LUZP2: variants seen among roughly 807,000 people sequenced by gnomAD.
LUZP2 encodes leucine zipper protein 2.
LUZP2 carries 52 observed loss-of-function variants against 51.6 expected under a neutral mutation model. That is an observed-to-expected ratio of 1.01 (90% CI 0.81 to 1.27). LUZP2 has a LOEUF of 1.27. LUZP2 is among the 50% of genes most tolerant of loss of function. The pLI, the probability that LUZP2 is intolerant of heterozygous loss-of-function variation, is 0.00. For missense variants in LUZP2, 436 were observed against 395.4 expected (o/e 1.10, Z -0.87); for synonymous variants, 154 against 137.3 (o/e 1.12, Z -0.85).
At chr11:24,837,030 A>G (rs1347466159) in intron 5 of LUZP2, among the ~76,000 whole-genome samples, 1 of 146,358 alleles carries the variant, frequency 6.8e-6, no homozygotes, top group African/African-American at 2.5e-5. Flanking sequence ...AACACAAGCT[A>G]TTGACAACCT....
chr11:24,741,919 CATTTATATATTATATATAAA>C (rs1859167814), intron 4 of LUZP2, among the ~76,000 whole-genome samples: 1 of 16,710 alleles, frequency 6.0e-5, no homozygotes, highest in Non-Finnish European at 1.9e-4. Context: ...ATAATATATA[CATTTATATATTATATATAAA>C]TATATACATT....
At chr11:24,821,645 G>A (rs1036626317) in intron 5 of LUZP2, among the ~76,000 whole-genome samples, 6 of 151,980 alleles carry the variant, frequency 3.9e-5, no homozygotes, top group Non-Finnish European at 8.8e-5. Flanking sequence ...TCAGTTACTG[G>A]CCTCCTTGGG....
chr11:24,882,779 GAAGGAAGA>G (rs1471041427), intron 5 of LUZP2, among the ~76,000 whole-genome samples: 2 of 37,692 alleles, frequency 5.3e-5, no homozygotes, highest in Admixed American at 2.7e-4. Flanking sequence ...TGCAACGGGA[GAAGGAAGA>G]AAGGAAGAAA....
chr11:24,940,582 T>C (rs191202522), intron 7 of LUZP2, among the ~76,000 whole-genome samples: 13 of 152,334 alleles, frequency 8.5e-5, no homozygotes, highest in African/African-American at 3.1e-4. Flanking sequence ...GCTTCTATGT[T>C]ATACAGTCAT....
chr11:24,571,166 A>G (rs958689670), intron 1 of LUZP2, among the ~76,000 whole-genome samples: 4 of 152,140 alleles, frequency 2.6e-5, no homozygotes, highest in Non-Finnish European at 5.9e-5. Flanking sequence ...GAACAAATCC[A>G]GAAAGGCAGT....
At position 24,512,241 on chromosome 11, in the gene LUZP2, G is replaced by A. The variant is rs77350338; in HGVS notation, c.62+14936G>A. 7.9e-3 allele frequency among the ~76,000 whole-genome samples: 1,201 copies of A among 152,122 alleles called. 10 individuals carry two copies. Among genetic ancestry groups the A allele is most frequent in the African/African-American group, 0.027 (1,129 of 41,536 alleles). On this transcript the variant is annotated intron_variant, in intron 1 of 11. Transcript: ENST00000336930. The stretch of plus-strand genomic sequence containing the variant: ...TCACAGGCTGAAAAAACAAATAGCG[G>A]TGGTGGTAGAATATTGGTAGTATAA...
At chr11:24,977,802 T>G (rs1855919936) in intron 8 of LUZP2, among the ~76,000 whole-genome samples, 1 of 151,612 alleles carries the variant, frequency 6.6e-6, no homozygotes, top group Admixed American at 6.6e-5. Context: ...TGTATTTTAT[T>G]ATCAAAATTT....
intron 1 of LUZP2, among the ~76,000 whole-genome samples, chr11:24,659,233 A>C (rs1855926723): frequency 1.3e-5 from 2 of 152,246 alleles, no homozygotes; most frequent in Non-Finnish European, 1.5e-5. Context: ...ATGGAATACT[A>C]TGCAGCCATA....
intron 1 of LUZP2, among the ~76,000 whole-genome samples, chr11:24,712,354 G>A (rs980561965): frequency 3.3e-5 from 5 of 151,958 alleles, no homozygotes; most frequent in Non-Finnish European, 4.4e-5. Flanking sequence ...CCAGAAAGTC[G>A]AGGCTATATC....
intron 10 of LUZP2, among the ~76,000 whole-genome samples, chr11:25,052,010 T>C (rs1027423725): frequency 6.6e-6 from 1 of 152,118 alleles, no homozygotes; most frequent in Non-Finnish European, 1.5e-5. Context: ...GCAGATACTA[T>C]CTGTTTCTGG....
At chr11:24,627,700 TCTGAAGTA>T (rs769997821) in intron 1 of LUZP2, among the ~76,000 whole-genome samples, 1 of 152,134 alleles carries the variant, frequency 6.6e-6, no homozygotes, top group Non-Finnish European at 1.5e-5. Context: ...ATGGAACCTC[TCTGAAGTA>T]CTGACAATTC....
At chr11:24,841,863 C>T (rs1245343042) in intron 5 of LUZP2, among the ~76,000 whole-genome samples, 21 of 151,910 alleles carry the variant, frequency 1.4e-4, no homozygotes, top group Admixed American at 1.4e-3. Context: ...TTTTTTCTGC[C>T]TCTGCAGTGT....
At chr11:24,798,110 A>T (rs1301813597) in intron 5 of LUZP2, among the ~76,000 whole-genome samples, 3 of 152,014 alleles carry the variant, frequency 2.0e-5, no homozygotes, top group Admixed American at 6.6e-5. Flanking sequence ...ATACACAAAT[A>T]CTATGTTTTG....
intron 1 of LUZP2, among the ~76,000 whole-genome samples, chr11:24,599,192 A>G (rs72878847): frequency 0.047 from 7,217 of 152,242 alleles, 278 homozygotes; most frequent in East Asian, 0.14. Flanking sequence ...TGAGGCACTT[A>G]GGTTTAAGAA....
chr11:24,930,480 A>C (rs747714589), intron 7 of LUZP2, among the ~76,000 whole-genome samples: 2 of 152,126 alleles, frequency 1.3e-5, no homozygotes, highest in Non-Finnish European at 2.9e-5. Flanking sequence ...TTTATTTATG[A>C]AGCTTAGTTT....
intron 4 of LUZP2, among the ~76,000 whole-genome samples, chr11:24,744,427 T>C (rs562967021): frequency 6.6e-6 from 1 of 152,280 alleles, no homozygotes; most frequent in Non-Finnish European, 1.5e-5. Context: ...TTCTTCCTGA[T>C]TTAAGCTAGG....
intron 1 of LUZP2, among the ~76,000 whole-genome samples, chr11:24,604,555 C>T (rs1046625273): frequency 6.6e-6 from 1 of 151,720 alleles, no homozygotes; most frequent in Non-Finnish European, 1.5e-5. Flanking sequence ...AGTGAAGACA[C>T]CAGATAAAAA....
In LUZP2 at chr11:24,904,135, T is replaced by C. The variant is rs77080260; in HGVS notation, c.397-1856T>C. On this transcript the variant is annotated intron_variant, in intron 5 of 11. Transcript: ENST00000336930. ...CCTTTCTCCACATCCTCATCAGTAC[T>C]TGTTATTTTTTGCCTTTTGATAATA... Among the ~76,000 whole-genome samples the C allele has an allele frequency of 9.3e-3, 1,418 of 152,298 alleles. 13 individuals carry two copies. Among genetic ancestry groups the C allele is most frequent in the South Asian group, 0.038 (181 of 4,826 alleles).
chr11:24,499,966 C>A (rs1259643706), intron 1 of LUZP2, among the ~76,000 whole-genome samples: 1 of 152,166 alleles, frequency 6.6e-6, no homozygotes, highest in Admixed American at 6.5e-5. Flanking sequence ...CAGCGACTAT[C>A]CTGTCTTTTA....
Sources: gnomAD v4.1 joint callset for allele counts (sites outside exome capture counted in the v4.1 genomes callset) on GRCh38, gnomAD v4.1.1 for gene constraint, MANE v1.5 for transcripts, NCBI Gene and HGNC (gene_info 2026-07-23, HGNC 2026-07-21) for gene names.